The following YWHAE variants were observed in gnomAD, a reference collection of about 807,000 sequenced individuals.
YWHAE encodes the protein tyrosine 3-monooxygenase/tryptophan 5-monooxygenase activation protein epsilon.
YWHAE carries 4 observed loss-of-function variants against 30.1 expected under a neutral mutation model. The observed-to-expected ratio is 0.13, with a 90% CI of 0.07 to 0.30. YWHAE has a LOEUF of 0.30. Among genes scored for constraint, YWHAE ranks in the 10% least tolerant of loss-of-function variants. The pLI, the probability that YWHAE is intolerant of heterozygous loss-of-function variation, is 1.00. For synonymous variants in YWHAE, 118 were observed against 111.8 expected (o/e 1.06, Z -0.35); for missense variants, 121 against 315.9 (o/e 0.38, Z 4.68).
chr17:1,360,499 T>C (rs570099945), intron 4 of YWHAE, among the ~76,000 whole-genome samples: 11 of 152,156 alleles, frequency 7.2e-5, no homozygotes, highest in South Asian at 2.1e-4. Flanking sequence ...TGGTGACTCA[T>C]GCTTGTAATC....
chr17:1,398,814 A>G (rs540018452), intron 1 of YWHAE: 3 of 152,212 alleles, frequency 2.0e-5, no homozygotes, highest in Non-Finnish European at 2.9e-5. Context: ...TGAAGTTCTG[A>G]AAAAGGACTG....
intron 1 of YWHAE, among the ~76,000 whole-genome samples, chr17:1,377,001 T>C (rs1338657416): frequency 6.0e-5 from 9 of 150,818 alleles, no homozygotes; most frequent in Admixed American, 3.3e-4. Flanking sequence ...GCAACCTCCA[T>C]CTCCCATGTT....
rs1306725281 is a variant in YWHAE, at chr17:1,356,167, TAA to T, written c.579-1822_579-1821del. The stretch of plus-strand genomic sequence containing the variant: ...CTGGGCAACAGAGCAAGACTCCGTC[TAA>T]AAACACACACACACACACACACACA... On this transcript the variant is annotated intron_variant, in intron 4 of 5. Transcript: ENST00000264335. 3.9e-3 allele frequency among the ~76,000 whole-genome samples: 420 copies of T among 106,864 alleles called. 4 individuals are homozygous for T. The highest frequency in any genetic ancestry group is 0.012 in the African/African-American group (394 of 33,554). The allele number at this position is 106,864 out of a possible 152,430, so 70.1% of individuals were successfully genotyped here.
intron 4 of YWHAE, among the ~76,000 whole-genome samples, chr17:1,355,146 A>C (rs1208978759): frequency 8.6e-6 from 1 of 116,150 alleles, no homozygotes; most frequent in African/African-American, 3.2e-5. Flanking sequence ...AAAAAAAAAA[A>C]AATTTTTTTT....
chr17:1,349,368 A>G (rs560717531), intron 5 of YWHAE, among the ~76,000 whole-genome samples: 133 of 152,258 alleles, frequency 8.7e-4, no homozygotes, highest in South Asian at 1.7e-3. Context: ...GACAAATTCA[A>G]CTTCTCAAAC....
Position 1,345,222 on chromosome 17 carries a change from CT to C in YWHAE, c.*224del. On this transcript the variant is annotated 3_prime_UTR_variant, in exon 6 of 6. Coordinates refer to ENST00000264335, the MANE Select transcript of YWHAE (RefSeq NM_006761.5). Reference sequence around the variant, plus strand: ...TAGTCCTGTTAGTGTCTTAAAGAACCTAAAAGCTGGGACCAGTAAAATCCAC... The same window carrying C: ...TAGTCCTGTTAGTGTCTTAAAGAACCAAAAGCTGGGACCAGTAAAATCCAC... The C allele has an allele frequency of 3.5e-6, 2 of 567,420 alleles. No individual in the cohort carries two copies. Among genetic ancestry groups the C allele is most frequent in the Admixed American group, 3.3e-5 (1 of 30,306 alleles). 35.1% of individuals were successfully genotyped at this position (567,420 alleles called of 1,614,324 possible).
At chr17:1,394,354 T>G (rs1000009360) in intron 1 of YWHAE, among the ~76,000 whole-genome samples, 4 of 146,158 alleles carry the variant, frequency 2.7e-5, no homozygotes, top group Non-Finnish European at 5.9e-5. Context: ...GACTCACACC[T>G]GTAATCCCAG....
At chr17:1,374,309 T>G (rs2073092300) in intron 1 of YWHAE, among the ~76,000 whole-genome samples, 1 of 117,752 alleles carries the variant, frequency 8.5e-6, no homozygotes, top group Middle Eastern at 3.8e-3. Flanking sequence ...AGAGCGAGAC[T>G]TGGTCTCAGG....
intron 1 of YWHAE, among the ~76,000 whole-genome samples, chr17:1,395,993 C>T (rs1173386120): frequency 2.6e-5 from 4 of 152,070 alleles, no homozygotes; most frequent in Non-Finnish European, 5.9e-5. Flanking sequence ...TGGCGGATGC[C>T]TGTAATCCCA....
Position 1,387,923 on chromosome 17 carries a change from GC to G in YWHAE, c.64+12123del, listed in dbSNP as rs1567982893. Among the ~76,000 whole-genome samples, 5 of 74,568 alleles carry G rather than the reference GC, an allele frequency of 6.7e-5. No homozygotes were observed. The East Asian group carries it at 1.2e-3, about 19-fold the overall frequency. The allele number at this position is 74,568 out of a possible 152,430, so 48.9% of individuals were successfully genotyped here. On this transcript the variant is annotated intron_variant, in intron 1 of 5. Transcript: ENST00000264335. The stretch of plus-strand genomic sequence containing the variant: ...TTACAGGAGTGAGCCACTGCACCTG[GC>G]TTTTTTTTTTTTTTTTTTTTTGACG...
chr17:1,394,446 A>AAAAAAAAAAAAAAAAAAAAC (rs2073435036), intron 1 of YWHAE, among the ~76,000 whole-genome samples: 1 of 148,566 alleles, frequency 6.7e-6, no homozygotes, highest in African/African-American at 2.5e-5. Flanking sequence ...CAAAAAAAAA[A>AAAAAAAAAAAAAAAAAAAAC]AAAAAAAAAA....
In YWHAE at chr17:1,360,373, AAC is replaced by A. The variant is rs369717872; in HGVS notation, c.578+717_578+718del. On this transcript the variant is annotated intron_variant, in intron 4 of 5. Transcript: ENST00000264335. Reference sequence around the variant, plus strand: ...TGAAGTATAAATGGGGGAACAGTTTAACACACATTAGTAAGACTGAAACTTGT... The same window carrying A: ...TGAAGTATAAATGGGGGAACAGTTTAACACATTAGTAAGACTGAAACTTGT... 6.2e-4 allele frequency among the ~76,000 whole-genome samples: 95 copies of A among 152,368 alleles called. 1 individual carries two copies. Among genetic ancestry groups the A allele is most frequent in the African/African-American group, 2.2e-3 (93 of 41,590 alleles).
chr17:1,379,840 T>C (rs2073177898), intron 1 of YWHAE, among the ~76,000 whole-genome samples: 1 of 152,174 alleles, frequency 6.6e-6, no homozygotes, highest in South Asian at 2.1e-4. Context: ...ATGAACAGGA[T>C]TAGTTGGTTG....
chr17:1,360,146 G>C (rs1482517751), intron 4 of YWHAE, among the ~76,000 whole-genome samples: 1 of 152,104 alleles, frequency 6.6e-6, no homozygotes, highest in African/African-American at 2.4e-5. Context: ...ATTTTTAATA[G>C]AGACAGAGTT....
At chr17:1,368,166 C>A (rs1479402732) in intron 1 of YWHAE, among the ~76,000 whole-genome samples, 3 of 152,126 alleles carry the variant, frequency 2.0e-5, no homozygotes, top group Non-Finnish European at 4.4e-5. Context: ...GCAGGCAGAT[C>A]ACCTGAGGTC....
At chr17:1,378,893 T>C (rs1457690635) in intron 1 of YWHAE, among the ~76,000 whole-genome samples, 1 of 149,552 alleles carries the variant, frequency 6.7e-6, no homozygotes, top group Non-Finnish European at 1.5e-5. Context: ...GAAGTTGCAA[T>C]GAGCAAAGGT....
chr17:1,388,118 G>GTTTTTT lies in YWHAE; in HGVS notation c.64+11923_64+11928dup, dbSNP rs1297503908. ...TAATTTTTGTTTTTTTTTTTGGTTG[G>GTTTTTT]TTTTTTTTTTTTTTTTTTTTTTTTA... On this transcript the variant is annotated intron_variant, in intron 1 of 5. Coordinates refer to ENST00000264335, the MANE Select transcript of YWHAE (RefSeq NM_006761.5). 2.8e-3 allele frequency among the ~76,000 whole-genome samples: 44 copies of GTTTTTT among 15,486 alleles called. 8 individuals carry two copies. Among genetic ancestry groups the GTTTTTT allele is most frequent in the African/African-American group, 0.015 (29 of 1,966 alleles). The allele number at this position is 15,486 out of a possible 152,430, so 10.2% of individuals were successfully genotyped here. A position where few individuals can be genotyped will look rare whatever the true frequency, so the allele number is the denominator to read the frequency against.
chr17:1,377,350 T>C (rs2073141570), intron 1 of YWHAE, among the ~76,000 whole-genome samples: 1 of 152,190 alleles, frequency 6.6e-6, no homozygotes, highest in Non-Finnish European at 1.5e-5. Flanking sequence ...TCAATGACTT[T>C]GCAACCAGAG....
At chr17:1,348,896 G>A (rs1451297870) in intron 5 of YWHAE, among the ~76,000 whole-genome samples, 2 of 151,468 alleles carry the variant, frequency 1.3e-5, no homozygotes, top group African/African-American at 2.4e-5. Flanking sequence ...CATGGTGGCG[G>A]GCACCTGTAG....
Sources: gnomAD v4.1 joint callset for allele counts (sites outside exome capture counted in the v4.1 genomes callset) on GRCh38, gnomAD v4.1.1 for gene constraint, MANE v1.5 for transcripts, NCBI Gene and HGNC (gene_info 2026-07-23, HGNC 2026-07-21) for gene names.